Variants in PTPRR observed in about 807,000 individuals in gnomAD.
PTPRR encodes protein tyrosine phosphatase receptor type R.
A neutral mutation model predicts 77.2 loss-of-function variants in PTPRR; 38 were observed. The ratio of observed to expected loss-of-function variants is 0.49; its 90% confidence interval spans 0.38 to 0.65. PTPRR has a LOEUF of 0.65. Ranked by LOEUF, PTPRR falls within the 30% of genes least tolerant of loss-of-function variation. PTPRR has a pLI of 0.00. For missense variants in PTPRR, 744 were observed against 799.2 expected (o/e 0.93, Z 0.83); for synonymous variants, 299 against 283.1 (o/e 1.06, Z -0.57).
intron 9 of PTPRR, 106 bp downstream of exon 9, chr12:70,684,597 CT>C: frequency 1.3e-6 from 1 of 783,166 alleles, no homozygotes; most frequent in Non-Finnish European, 2.1e-6. Flanking sequence ...TGAAATCTTG[CT>C]GGTAATCAAG....
intron 2 of PTPRR, among the ~76,000 whole-genome samples, chr12:70,809,917 A>T (rs949315251): frequency 3.3e-5 from 5 of 152,182 alleles, no homozygotes; most frequent in African/African-American, 1.2e-4. Context: ...TATATTATCT[A>T]ATTTTGGACA....
Position 70,656,762 on chromosome 12 carries a change from G to A in PTPRR, c.1822C>T (p.Leu608=). ...FIATSIGCQQ[L]KEEGVVDALS... is the part of the protein sequence containing the mutation. ...GCATCCACAACTCCTTCTTCTTTCAGCTGTTGACAGCCAATGGATGTAGCA... is the reference window on the plus strand; with the variant it reads ...GCATCCACAACTCCTTCTTCTTTCAACTGTTGACAGCCAATGGATGTAGCA... The change falls in exon 13 of 14, where the codon CTG becomes TTG. Residue 608 remains leucine (L), a synonymous_variant. Transcript: ENST00000283228. 3 of 1,613,922 alleles carry A rather than the reference G, an allele frequency of 1.9e-6. No individual in the cohort carries two copies. The highest frequency in any genetic ancestry group is 2.5e-6 in the Non-Finnish European group (3 of 1,179,976).
chr12:70,672,940 A>T (rs1472886209), intron 10 of PTPRR: 13 of 1,386,774 alleles, frequency 9.4e-6, no homozygotes, highest in South Asian at 2.4e-5. Flanking sequence ...GTCGAATGCC[A>T]GGTGTGGGCA....
intron 6 of PTPRR, among the ~76,000 whole-genome samples, chr12:70,740,556 T>A (rs910618923): frequency 2.0e-5 from 3 of 152,122 alleles, no homozygotes; most frequent in African/African-American, 7.2e-5. Context: ...CTTCTTTTTA[T>A]AAGATTCTTT....
chr12:70,696,965 A>G (rs771884951), intron 8 of PTPRR, among the ~76,000 whole-genome samples: 24 of 152,154 alleles, frequency 1.6e-4, no homozygotes, highest in Non-Finnish European at 3.1e-4. Context: ...TTGTGTGACT[A>G]TACTACATTT....
At chr12:70,888,772 A>G (rs895146784) in intron 2 of PTPRR, among the ~76,000 whole-genome samples, 11 of 152,264 alleles carry the variant, frequency 7.2e-5, no homozygotes, top group Middle Eastern at 3.4e-3. Flanking sequence ...TAGCTCAAGA[A>G]TAAGCCTAGA....
chr12:70,916,119 A>G (rs1893771449), intron 1 of PTPRR, among the ~76,000 whole-genome samples: 1 of 152,190 alleles, frequency 6.6e-6, no homozygotes, highest in African/African-American at 2.4e-5. Context: ...TAGGCAGGGA[A>G]AGGGTGCTAG....
intron 13 of PTPRR, among the ~76,000 whole-genome samples, chr12:70,656,099 T>C (rs1434109019): frequency 6.6e-6 from 1 of 151,938 alleles, no homozygotes; most frequent in Non-Finnish European, 1.5e-5. Flanking sequence ...TCGCCTATAG[T>C]CCCAGCTACT....
At chr12:70,655,081 G>C (rs973800983) in intron 13 of PTPRR, among the ~76,000 whole-genome samples, 9 of 152,180 alleles carry the variant, frequency 5.9e-5, no homozygotes, top group African/African-American at 2.2e-4. Flanking sequence ...ACCCAGGCAG[G>C]CTTAGTTGTG....
At chr12:70,859,135 T>G (rs1003827970) in intron 2 of PTPRR, among the ~76,000 whole-genome samples, 4 of 152,068 alleles carry the variant, frequency 2.6e-5, no homozygotes, top group Admixed American at 6.6e-5. Flanking sequence ...ATATTAGCCT[T>G]CGTGAATTCT....
intron 6 of PTPRR, among the ~76,000 whole-genome samples, chr12:70,722,087 G>T (rs574024597): frequency 1.1e-4 from 17 of 152,094 alleles, no homozygotes; most frequent in Non-Finnish European, 1.8e-4. Context: ...ATCTGTCCCG[G>T]CTATGCGCCC....
At chr12:70,766,865 T>C (rs1890837700) in intron 2 of PTPRR, among the ~76,000 whole-genome samples, 1 of 152,178 alleles carries the variant, frequency 6.6e-6, no homozygotes, top group South Asian at 2.1e-4. Flanking sequence ...ATATTCAACA[T>C]TCTTAAAGAA....
intron 13 of PTPRR, among the ~76,000 whole-genome samples, chr12:70,645,762 T>A (rs1886172935): frequency 6.6e-6 from 1 of 152,062 alleles, no homozygotes; most frequent in Non-Finnish European, 1.5e-5. Flanking sequence ...ATCAGTGTCG[T>A]CTCAGTCTCC....
chr12:70,782,066 G>A (rs1174944367), intron 2 of PTPRR, among the ~76,000 whole-genome samples: 1 of 152,152 alleles, frequency 6.6e-6, no homozygotes, highest in Non-Finnish European at 1.5e-5. Flanking sequence ...TAGTGAGTGA[G>A]AAAAGATACC....
intron 10 of PTPRR, among the ~76,000 whole-genome samples, chr12:70,675,479 T>G (rs887762181): frequency 2.6e-5 from 4 of 152,034 alleles, no homozygotes; most frequent in African/African-American, 9.6e-5. Context: ...AATTTGAACA[T>G]GCATATTTAC....
chr12:70,807,401 T>C (rs1309038408), intron 2 of PTPRR, among the ~76,000 whole-genome samples: 1 of 152,214 alleles, frequency 6.6e-6, no homozygotes, highest in Non-Finnish European at 1.5e-5. Context: ...TTAAGAACTA[T>C]AGTCATCATG....
intron 2 of PTPRR, among the ~76,000 whole-genome samples, chr12:70,853,373 C>G (rs564044430): frequency 6.6e-6 from 1 of 152,186 alleles, no homozygotes; most frequent in African/African-American, 2.4e-5. Context: ...TTGACCATTA[C>G]ACATTCTGCA....
intron 2 of PTPRR, among the ~76,000 whole-genome samples, chr12:70,858,561 T>C (rs538459640): frequency 1.4e-5 from 2 of 147,358 alleles, no homozygotes; most frequent in East Asian, 1.9e-4. Context: ...CTATTAGAGT[T>C]TGGGCACTTT....
At chr12:70,672,517 G>T in intron 10 of PTPRR, 1 of 1,256,542 alleles carries the variant, frequency 8.0e-7, no homozygotes, top group South Asian at 1.2e-5. Flanking sequence ...AATGAGACAT[G>T]ATGGGAAACA....
Sources: gnomAD v4.1 joint callset for allele counts (sites outside exome capture counted in the v4.1 genomes callset) on GRCh38, gnomAD v4.1.1 for gene constraint, MANE v1.5 for transcripts, NCBI Gene and HGNC (gene_info 2026-07-23, HGNC 2026-07-21) for gene names.